The following UBP1 variants were observed in gnomAD, a reference collection of about 807,000 sequenced individuals.
UBP1 encodes the protein upstream binding protein 1.
A neutral mutation model predicts 76.1 loss-of-function variants in UBP1; 22 were observed. That is an observed-to-expected ratio of 0.29 (90% CI 0.21 to 0.41). UBP1 has a LOEUF of 0.41. Ranked by LOEUF, UBP1 falls within the 10% of genes least tolerant of loss-of-function variation. The probability of loss-of-function intolerance (pLI) is 1.00; values close to 1 mark genes in which losing one functional copy is unlikely to be tolerated. For synonymous variants in UBP1, 224 were observed against 237.1 expected, an observed-to-expected ratio of 0.94 and a Z score of 0.51; for missense variants, 436 against 668.1, an observed-to-expected ratio of 0.65 and a Z score of 3.83.
At chr3:33,418,860 CAA>C (rs59774815) in intron 2 of UBP1, among the ~76,000 whole-genome samples, 13,457 of 77,054 alleles carry the variant, frequency 0.17, 731 homozygotes, top group African/African-American at 0.28. Context: ...ACTCTGTCTC[CAA>C]AAAAAAAAAA....
intron 2 of UBP1, among the ~76,000 whole-genome samples, chr3:33,418,431 T>TA (rs1240948976): frequency 6.6e-6 from 1 of 151,844 alleles, no homozygotes; most frequent in Non-Finnish European, 1.5e-5. Context: ...ATTTTTGTAT[T>TA]ATTTTTTAGT....
At chr3:33,427,345 G>A (rs765988246) in intron 1 of UBP1, among the ~76,000 whole-genome samples, 20 of 152,234 alleles carry the variant, frequency 1.3e-4, no homozygotes, top group Non-Finnish European at 1.5e-4. Context: ...TTAATGTATG[G>A]AAGGTGATTA....
chr3:33,441,099 G>A (rs1286788788), upstream of UBP1, among the ~76,000 whole-genome samples: 1 of 152,268 alleles, frequency 6.6e-6, no homozygotes, highest in Non-Finnish European at 1.5e-5. Flanking sequence ...GCGGTCTCCT[G>A]AAGTTGGACC....
intron 8 of UBP1, among the ~76,000 whole-genome samples, chr3:33,404,014 G>C (rs1260790388): frequency 6.6e-6 from 1 of 152,110 alleles, no homozygotes; most frequent in Non-Finnish European, 1.5e-5. Flanking sequence ...GGGAGGCCAA[G>C]GCGGTAGCCC....
intron 7 of UBP1, 76 bp from the exon 8 acceptor site, chr3:33,408,873 C>T: frequency 7.8e-7 from 1 of 1,275,600 alleles, no homozygotes; most frequent in Non-Finnish European, 1.1e-6. Context: ...TTTCATGTCT[C>T]TTCAGTCCAA....
intron 8 of UBP1, among the ~76,000 whole-genome samples, chr3:33,405,979 G>A (rs561317187): frequency 6.6e-6 from 1 of 152,220 alleles, no homozygotes; most frequent in South Asian, 2.1e-4. Context: ...AATGATTGCA[G>A]ACTTATTACT....
chr3:33,420,145 C>T (rs1007503158), intron 2 of UBP1, among the ~76,000 whole-genome samples: 1 of 152,128 alleles, frequency 6.6e-6, no homozygotes, highest in Non-Finnish European at 1.5e-5. Flanking sequence ...GCTTTAGAAA[C>T]CTTATTTCTA....
intron 1 of UBP1, among the ~76,000 whole-genome samples, chr3:33,433,970 GA>G (rs924143695): frequency 6.7e-6 from 1 of 150,094 alleles, no homozygotes; most frequent in African/African-American, 2.5e-5. Flanking sequence ...CTACAGCTAA[GA>G]AAAAAAAAGA....
At chr3:33,415,753 C>CAA (rs565224161) in intron 3 of UBP1, among the ~76,000 whole-genome samples, 1 of 141,004 alleles carries the variant, frequency 7.1e-6, no homozygotes, top group African/African-American at 2.6e-5. Context: ...GATACATTAA[C>CAA]AAAAAAAAAA....
intron 1 of UBP1, among the ~76,000 whole-genome samples, chr3:33,431,638 G>A (rs1285964755): frequency 6.6e-6 from 1 of 152,022 alleles, no homozygotes; most frequent in Non-Finnish European, 1.5e-5. Context: ...TACTCAGGAG[G>A]CTGAAGCAGG....
intron 1 of UBP1, among the ~76,000 whole-genome samples, chr3:33,431,202 A>G (rs2045106126): frequency 6.6e-6 from 1 of 152,178 alleles, no homozygotes; most frequent in Non-Finnish European, 1.5e-5. Flanking sequence ...GTTATTCAGA[A>G]AGCAGCACAG....
chr3:33,392,514 C>T, intron 15 of UBP1, 49 bp downstream of exon 15: 4 of 1,532,072 alleles, frequency 2.6e-6, no homozygotes, highest in Non-Finnish European at 3.6e-6. Context: ...GAGGCACACA[C>T]CATCTCTCAT....
At chr3:33,418,201 AAATC>A (rs2044779518) in intron 2 of UBP1, among the ~76,000 whole-genome samples, 1 of 152,238 alleles carries the variant, frequency 6.6e-6, no homozygotes, top group Non-Finnish European at 1.5e-5. Flanking sequence ...TAGGAAATAA[AAATC>A]AACAAAAGGT....
intron 2 of UBP1, among the ~76,000 whole-genome samples, chr3:33,423,110 T>C (rs1208434095): frequency 6.6e-6 from 1 of 151,966 alleles, no homozygotes; most frequent in Admixed American, 6.6e-5. Context: ...GGTGTGATCT[T>C]GGCTCACTGC....
intron 8 of UBP1, among the ~76,000 whole-genome samples, chr3:33,407,390 A>G (rs1260790184): frequency 3.3e-5 from 5 of 152,218 alleles, no homozygotes; most frequent in Admixed American, 6.5e-5. Flanking sequence ...CAGGAGAGGA[A>G]AAGTGAGTTG....
chr3:33,412,452 G>A (rs923278419), intron 4 of UBP1, among the ~76,000 whole-genome samples: 6 of 151,726 alleles, frequency 4.0e-5, no homozygotes, highest in South Asian at 2.1e-4. Flanking sequence ...GCATGGTGGC[G>A]CGCACCTGCA....
chr3:33,394,191 TTTATTATTATTATTA>T (rs148929407), intron 13 of UBP1, among the ~76,000 whole-genome samples: 6 of 143,428 alleles, frequency 4.2e-5, no homozygotes, highest in Non-Finnish European at 6.1e-5. Context: ...CTGGCTAATT[TTTATTATTATTATTA>T]TTATTATTAT....
chr3:33,405,185 AAG>A (rs2044384189), intron 8 of UBP1, among the ~76,000 whole-genome samples: 1 of 152,178 alleles, frequency 6.6e-6, no homozygotes, highest in Non-Finnish European at 1.5e-5. Context: ...AAAAATAAAT[AAG>A]AAAAAAATTT....
intron 1 of UBP1, among the ~76,000 whole-genome samples, chr3:33,427,067 A>T (rs1442157654): frequency 2.6e-5 from 4 of 152,240 alleles, no homozygotes; most frequent in African/African-American, 9.6e-5. Flanking sequence ...TCCTGGGCTC[A>T]AGTCATTCTC....
Sources: allele counts gnomAD v4.1 joint callset (sites outside exome capture counted in the v4.1 genomes callset), GRCh38; gene constraint gnomAD v4.1.1; transcripts MANE v1.5; gene names NCBI Gene and HGNC (gene_info 2026-07-23, HGNC 2026-07-21).